IFT80: variants seen among roughly 807,000 people sequenced by gnomAD.
IFT80 encodes the protein intraflagellar transport 80.
A neutral mutation model predicts 107.9 loss-of-function variants in IFT80; 79 were observed. The observed-to-expected ratio is 0.73, with a 90% CI of 0.61 to 0.88. IFT80 has a LOEUF of 0.88. Ranked by LOEUF, IFT80 falls within the 40% of genes least tolerant of loss-of-function variation. The pLI is 0.00. For synonymous variants in IFT80, 299 were observed against 300.9 expected (o/e 0.99, Z 0.07); for missense variants, 797 against 914.2 (o/e 0.87, Z 1.65).
intron 8 of IFT80, among the ~76,000 whole-genome samples, chr3:160,325,002 C>A (rs1718578869): frequency 6.7e-6 from 1 of 149,836 alleles, no homozygotes; most frequent in Non-Finnish European, 1.5e-5. Context: ...AAACAGAGAG[C>A]CAAATCATGA....
intron 8 of IFT80, among the ~76,000 whole-genome samples, chr3:160,336,368 T>G (rs570500624): frequency 6.6e-6 from 1 of 152,218 alleles, no homozygotes; most frequent in East Asian, 1.9e-4. Context: ...TTTGTTTCAT[T>G]TACTTTTGAG....
intron 8 of IFT80, among the ~76,000 whole-genome samples, chr3:160,343,281 G>A (rs1407925510): frequency 2.0e-5 from 3 of 151,992 alleles, no homozygotes; most frequent in African/African-American, 7.2e-5. Flanking sequence ...ATGCTTAAAC[G>A]AATATTCAAA....
intron 4 of IFT80, among the ~76,000 whole-genome samples, chr3:160,376,970 A>G (rs1712075097): frequency 6.6e-6 from 1 of 152,134 alleles, no homozygotes; most frequent in South Asian, 2.1e-4. Flanking sequence ...CCACCCACCT[A>G]AACTGATCCC....
intron 18 of IFT80, among the ~76,000 whole-genome samples, chr3:160,276,013 G>A (rs546860012): frequency 2.2e-4 from 33 of 151,910 alleles, no homozygotes; most frequent in Non-Finnish European, 3.7e-4. Flanking sequence ...GATTACAGGC[G>A]TGTGCCACCA....
At chr3:160,396,231 C>A (rs1448253709) in intron 1 of IFT80, among the ~76,000 whole-genome samples, 2 of 151,980 alleles carry the variant, frequency 1.3e-5, no homozygotes, top group African/African-American at 4.8e-5. Context: ...CATTAATATA[C>A]CAAGGTGCTT....
intron 8 of IFT80, among the ~76,000 whole-genome samples, chr3:160,328,895 G>A (rs1013459818): frequency 1.3e-5 from 2 of 151,954 alleles, no homozygotes; most frequent in Non-Finnish European, 2.9e-5. Context: ...AGCAGAAAAA[G>A]CAGAAAACCA....
At chr3:160,317,083 C>G (rs1491002115) in intron 9 of IFT80, among the ~76,000 whole-genome samples, 1 of 151,974 alleles carries the variant, frequency 6.6e-6, no homozygotes, top group Admixed American at 6.6e-5. Context: ...AGATAATAAT[C>G]TAGGGGGTCC....
At chr3:160,300,568 C>A (rs1716343443) in intron 12 of IFT80, among the ~76,000 whole-genome samples, 1 of 152,046 alleles carries the variant, frequency 6.6e-6, no homozygotes, top group Admixed American at 6.6e-5. Flanking sequence ...AAAACTTAAG[C>A]CTTAATATAC....
Position 160,279,274 on chromosome 3 carries a change from T to G in IFT80, c.1755A>C (p.Ile585=), listed in dbSNP as rs533163415. The change falls in exon 16 of 20, where the codon ATA becomes ATC. Residue 585 remains isoleucine (I), a synonymous_variant. Transcript: ENST00000326448. Reference sequence around the variant, plus strand: ...CATGGAGAATAGCAGGATATGGTGTTATGCTGATGTGAACCAGGGAGCCAT... The same window carrying G: ...CATGGAGAATAGCAGGATATGGTGTGATGCTGATGTGAACCAGGGAGCCAT... The part of the protein sequence containing the change: ...RADGSLVHIS[I]TPYPAILHEY... The G allele has an allele frequency of 1.4e-5, 22 of 1,612,714 alleles. No individual in the cohort carries two copies. In the South Asian group the frequency reaches 2.4e-4, roughly 18 times the overall value.
chr3:160,383,269 C>T lies in IFT80; in HGVS notation c.37+1295G>A, dbSNP rs1243016509. 2.6e-5 allele frequency among the ~76,000 whole-genome samples: 4 copies of T among 152,252 alleles called. No individual in the cohort carries two copies. In the East Asian group the frequency reaches 7.7e-4, roughly 29 times the overall value. ...TATTCTTTGGCTTGAAAGGTAAAGGCAGACAGTAGACATGGTCAAAATCTA... is the reference window on the plus strand; with the variant it reads ...TATTCTTTGGCTTGAAAGGTAAAGGTAGACAGTAGACATGGTCAAAATCTA... On this transcript the variant is annotated intron_variant, in intron 2 of 19. Transcript: ENST00000326448.
chr3:160,353,719 T>G (rs925452819), intron 8 of IFT80, among the ~76,000 whole-genome samples: 20 of 152,182 alleles, frequency 1.3e-4, no homozygotes, highest in Non-Finnish European at 2.4e-4. Flanking sequence ...ACTTCCTGTA[T>G]AGCACTTGTC....
chr3:160,289,101 A>G (rs1306325745), intron 12 of IFT80, among the ~76,000 whole-genome samples: 1 of 152,262 alleles, frequency 6.6e-6, no homozygotes, highest in African/African-American at 2.4e-5. Flanking sequence ...AATGTTGTAC[A>G]TATAGACTAT....
intron 16 of IFT80, 131 bp downstream of exon 16, chr3:160,279,062 T>G (rs188728720): frequency 2.9e-6 from 2 of 694,784 alleles, no homozygotes; most frequent in Admixed American, 2.6e-5. Flanking sequence ...GCCCATGTCT[T>G]TACTTATAAA....
intron 9 of IFT80, among the ~76,000 whole-genome samples, chr3:160,311,406 G>A (rs1424301618): frequency 2.0e-5 from 3 of 152,176 alleles, no homozygotes; most frequent in African/African-American, 7.2e-5. Flanking sequence ...ACTGTAGAAA[G>A]ACGTTAGGAA....
chr3:160,312,382 T>C (rs1446703681), intron 9 of IFT80, among the ~76,000 whole-genome samples: 1 of 150,748 alleles, frequency 6.6e-6, no homozygotes, highest in African/African-American at 2.4e-5. Context: ...AAACAGACAC[T>C]TGGATCTAGT....
At chr3:160,388,831 T>C (rs903510702) in intron 1 of IFT80, among the ~76,000 whole-genome samples, 4 of 152,076 alleles carry the variant, frequency 2.6e-5, no homozygotes, top group Non-Finnish European at 4.4e-5. Flanking sequence ...ATCACAGCAA[T>C]GTGACATGAG....
chr3:160,313,074 AT>A (rs1231715335), intron 9 of IFT80, among the ~76,000 whole-genome samples: 22 of 106,548 alleles, frequency 2.1e-4, no homozygotes, highest in Admixed American at 3.2e-4. Flanking sequence ...TATTATATAT[AT>A]TTTATATAAT....
At chr3:160,269,542 G>A (rs1302227233) in intron 18 of IFT80, among the ~76,000 whole-genome samples, 1 of 152,152 alleles carries the variant, frequency 6.6e-6, no homozygotes, top group Non-Finnish European at 1.5e-5. Context: ...TTAAATGGTA[G>A]ATGATAACTA....
chr3:160,302,120 A>T (rs1047623466), intron 11 of IFT80, among the ~76,000 whole-genome samples: 1 of 152,004 alleles, frequency 6.6e-6, no homozygotes, highest in Non-Finnish European at 1.5e-5. Context: ...CTTCATGCTG[A>T]AGACATTATT....
Sources: gnomAD v4.1 joint callset for allele counts (sites outside exome capture counted in the v4.1 genomes callset) on GRCh38, gnomAD v4.1.1 for gene constraint, MANE v1.5 for transcripts, NCBI Gene and HGNC (gene_info 2026-07-23, HGNC 2026-07-21) for gene names.